The following LMBRD2 variants were observed in gnomAD, a reference collection of about 807,000 sequenced individuals.
LMBRD2 encodes the protein G protein-coupled receptor-associated protein LMBRD2.
In LMBRD2, 55 loss-of-function variants were observed where a neutral mutation model predicts 94.4. That is an observed-to-expected ratio of 0.58 (90% confidence interval 0.47 to 0.73). The LOEUF is 0.73. LMBRD2 is among the 30% of genes least tolerant of loss of function. The probability of loss-of-function intolerance (pLI) is 0.00; values close to 1 mark genes in which losing one functional copy is unlikely to be tolerated. For synonymous variants in LMBRD2, 246 were observed against 272.4 expected, an observed-to-expected ratio of 0.90 and a Z score of 0.95; for missense variants, 640 against 831.9, an observed-to-expected ratio of 0.77 and a Z score of 2.84.
At chr5:36,122,241 T>G (rs1743902700) in intron 9 of LMBRD2, 39 bp downstream of exon 9, 2 of 1,459,412 alleles carry the variant, frequency 1.4e-6, no homozygotes, top group East Asian at 4.6e-5. Flanking sequence ...CAGAAAACTT[T>G]TCATCATTAA....
intron 1 of LMBRD2, among the ~76,000 whole-genome samples, chr5:36,147,287 A>G (rs1579533307): frequency 6.6e-6 from 1 of 152,138 alleles, no homozygotes; most frequent in Non-Finnish European, 1.5e-5. Flanking sequence ...TTCAAAGTCC[A>G]TATCTTTAAC....
intron 6 of LMBRD2, 82 bp from the exon 7 acceptor site, chr5:36,124,347 T>C (rs1173366285): frequency 1.4e-6 from 1 of 731,724 alleles, no homozygotes; most frequent in African/African-American, 1.8e-5. Context: ...AGGTACTATA[T>C]ATTTTCTCAC....
At chr5:36,132,975 A>G (rs895295957) in intron 6 of LMBRD2, among the ~76,000 whole-genome samples, 1 of 151,000 alleles carries the variant, frequency 6.6e-6, no homozygotes, top group African/African-American at 2.4e-5. Context: ...TACTATGGAG[A>G]ACAGTTTGGA....
chr5:36,147,955 T>G (rs115089112), intron 1 of LMBRD2: 2 of 336,446 alleles, frequency 5.9e-6, no homozygotes, highest in Admixed American at 4.7e-5. Context: ...TATCTGAGTC[T>G]GATGAATCAT....
chr5:36,106,498 T>A (rs928750179), intron 16 of LMBRD2, among the ~76,000 whole-genome samples: 1 of 148,594 alleles, frequency 6.7e-6, no homozygotes, highest in Non-Finnish European at 1.5e-5. Flanking sequence ...ATCCCAACTT[T>A]TTTTTCTTTC....
In LMBRD2 at chr5:36,142,722, T is replaced by C. The variant is rs940430615; in HGVS notation, c.175-123A>G. 64 of 573,380 alleles carry C rather than the reference T, an allele frequency of 1.1e-4. 1 individual carries two copies. Among genetic ancestry groups the C allele is most frequent in the African/African-American group, 1.1e-3 (57 of 51,988 alleles). The allele number at this position is 573,380 out of a possible 1,614,324, so 35.5% of individuals were successfully genotyped here. A position where few individuals can be genotyped will look rare whatever the true frequency, so the allele number is the denominator to read the frequency against. On this transcript the variant is annotated intron_variant, in intron 2 of 17. Transcript: ENST00000296603. ...TTCTTGGCTATGCTTTATTCTTTTT[T>C]TTTTTTTTTTCTTTTTGTGTGAGAC...
chr5:36,147,812 A>G, intron 1 of LMBRD2: 1 of 360,190 alleles, frequency 2.8e-6, no homozygotes, highest in South Asian at 2.0e-5. Flanking sequence ...GAGAGAGAGA[A>G]TGGGTACCAA....
intron 15 of LMBRD2, among the ~76,000 whole-genome samples, chr5:36,109,673 C>T (rs551517262): frequency 5.9e-5 from 9 of 152,084 alleles, no homozygotes; most frequent in East Asian, 1.9e-4. Flanking sequence ...TTTATTCATT[C>T]GACAAATATT....
At chr5:36,144,327 T>TG in intron 1 of LMBRD2, among the ~76,000 whole-genome samples, 1 of 152,320 alleles carries the variant, frequency 6.6e-6, no homozygotes, top group East Asian at 1.9e-4. Flanking sequence ...TTTATCTACA[T>TG]ACTACAGTAT....
chr5:36,143,392 A>C lies in LMBRD2; in HGVS notation c.-43T>G. The C allele has an allele frequency of 6.8e-7, 1 of 1,464,706 alleles. No homozygotes were observed. The highest frequency in any genetic ancestry group is 1.3e-5 in the South Asian group (1 of 79,852). 90.7% of individuals were successfully genotyped at this position (1,464,706 alleles called of 1,614,324 possible). ...TGACTAACCAAAGTTATTCATGTACAGGTCTGGACCATATCTATAAAGTAA... is the reference window on the plus strand; with the variant it reads ...TGACTAACCAAAGTTATTCATGTACCGGTCTGGACCATATCTATAAAGTAA... On this transcript the variant is annotated 5_prime_UTR_variant, in exon 2 of 18. Coordinates refer to ENST00000296603, the MANE Select transcript of LMBRD2 (RefSeq NM_001007527.2).
At chr5:36,140,664 G>A (rs1579526421) in intron 4 of LMBRD2, among the ~76,000 whole-genome samples, 1 of 152,122 alleles carries the variant, frequency 6.6e-6, no homozygotes, top group African/African-American at 2.4e-5. Context: ...GAGGCTAAGA[G>A]TAAAGATGAT....
At chr5:36,108,047 G>A (rs1281331696) in intron 16 of LMBRD2, among the ~76,000 whole-genome samples, 1 of 152,160 alleles carries the variant, frequency 6.6e-6, no homozygotes, top group African/African-American at 2.4e-5. Context: ...CACCCTGGTA[G>A]CAGATGGCTT....
Position 36,129,230 on chromosome 5 carries a change from A to G in LMBRD2, c.748-4965T>C, listed in dbSNP as rs558558412. On this transcript the variant is annotated intron_variant, in intron 6 of 17. Transcript: ENST00000296603. The stretch of plus-strand genomic sequence containing the variant: ...AATAGAGAACTTCCCAAACCTAGAG[A>G]AAGATATCAATATTCAAGCATGAGA... Among the ~76,000 whole-genome samples the G allele has an allele frequency of 2.6e-5, 4 of 152,312 alleles. No homozygotes were observed. In the South Asian group the frequency reaches 8.3e-4, roughly 32 times the overall value.
chr5:36,106,508 C>CTTTTTTT (rs201602814), intron 16 of LMBRD2, among the ~76,000 whole-genome samples: 4 of 132,868 alleles, frequency 3.0e-5, no homozygotes, highest in Non-Finnish European at 4.8e-5. Context: ...TTTTTTCTTT[C>CTTTTTTT]GTTTTTTTTT....
chr5:36,126,264 T>C (rs1461079772), intron 6 of LMBRD2, among the ~76,000 whole-genome samples: 2 of 152,236 alleles, frequency 1.3e-5, no homozygotes, highest in Non-Finnish European at 2.9e-5. Flanking sequence ...AATTTGTTTA[T>C]ATATTATATG....
At chr5:36,146,256 G>T (rs1371230861) in intron 1 of LMBRD2, among the ~76,000 whole-genome samples, 1 of 152,186 alleles carries the variant, frequency 6.6e-6, no homozygotes, top group African/African-American at 2.4e-5. Context: ...TATAGCTTCT[G>T]TAGGTCAGAA....
At chr5:36,137,130 A>T (rs781473406) in intron 5 of LMBRD2, 144 bp downstream of exon 5, 25 of 536,734 alleles carry the variant, frequency 4.7e-5, no homozygotes, top group Middle Eastern at 5.1e-4. Flanking sequence ...GATTATTCAC[A>T]TATTCTTTTG....
chr5:36,143,236 T>C lies in LMBRD2; in HGVS notation c.114A>G (p.Thr38=). 2 of 1,613,118 alleles carry C rather than the reference T, an allele frequency of 1.2e-6. No individual in the cohort carries two copies. The highest frequency in any genetic ancestry group is 1.7e-6 in the Non-Finnish European group (2 of 1,179,182). ...GAAAGCAGAGATACCAAGCAAGCAG[T>C]GTTCCAATAATCACAAGTCTATGCT... is the stretch of plus-strand genomic sequence containing the variant. ...KKQHRLVIIG[T]LLAWYLCFLI... Residue 38 remains threonine (T), a synonymous_variant, in exon 2 of 18, where the codon ACA becomes ACG. Transcript: ENST00000296603.
intron 11 of LMBRD2, among the ~76,000 whole-genome samples, chr5:36,116,145 C>T (rs1256015404): frequency 6.6e-6 from 1 of 152,176 alleles, no homozygotes; most frequent in Non-Finnish European, 1.5e-5. Context: ...AATCTTAGAA[C>T]ACCATCTAGG....
Sources: allele counts gnomAD v4.1 joint callset (sites outside exome capture counted in the v4.1 genomes callset), GRCh38; gene constraint gnomAD v4.1.1; transcripts MANE v1.5; gene names NCBI Gene and HGNC (gene_info 2026-07-23, HGNC 2026-07-21).